The following ENOX1 variants were observed in gnomAD, a reference collection of about 807,000 sequenced individuals.
ENOX1 encodes ecto-NOX disulfide-thiol exchanger 1.
Under a neutral mutation model 82.5 loss-of-function variants are expected in ENOX1, and 42 were observed. That is an observed-to-expected ratio of 0.51 (90% CI 0.40 to 0.66). The LOEUF (loss-of-function observed/expected upper bound fraction) is 0.66, where lower values mean the gene tolerates loss of function less well. Among genes scored for constraint, ENOX1 ranks in the 30% least tolerant of loss-of-function variants. The pLI is 0.00. For synonymous variants in ENOX1, 271 were observed against 282.2 expected, an observed-to-expected ratio of 0.96 and a Z score of 0.40; for missense variants, 608 against 811.6, an observed-to-expected ratio of 0.75 and a Z score of 3.05.
At chr13:43,408,378 G>C (rs1006338861) in intron 5 of ENOX1, among the ~76,000 whole-genome samples, 3 of 152,150 alleles carry the variant, frequency 2.0e-5, no homozygotes, top group Admixed American at 2.0e-4. Context: ...AGAGTGGTTG[G>C]TCATTTAGAA....
At chr13:43,719,302 TACACACACACACACACAC>T (rs3024232) in intron 1 of ENOX1, among the ~76,000 whole-genome samples, 9 of 126,682 alleles carry the variant, frequency 7.1e-5, no homozygotes, top group African/African-American at 8.7e-5. Context: ...TTCATTCAAA[TACACACACACACACACAC>T]ACACACACAC....
At chr13:43,768,829 C>T (rs1951431754) in intron 1 of ENOX1, among the ~76,000 whole-genome samples, 1 of 152,148 alleles carries the variant, frequency 6.6e-6, no homozygotes, top group South Asian at 2.1e-4. Flanking sequence ...ATTGTCAATC[C>T]GATTTCCTCG....
intron 5 of ENOX1, among the ~76,000 whole-genome samples, chr13:43,376,962 T>G (rs2051681676): frequency 6.6e-6 from 1 of 152,214 alleles, no homozygotes. Flanking sequence ...GCACTCCAGC[T>G]ACCTCTTGGA....
At chr13:43,236,577 TAA>T (rs2153459127) in intron 15 of ENOX1, 57 bp downstream of exon 15, 4 of 1,038,882 alleles carry the variant, frequency 3.9e-6, no homozygotes, top group Admixed American at 5.7e-5. Flanking sequence ...ACTAAAATAT[TAA>T]GTTAATTACC....
At chr13:43,766,320 G>A (rs138553918) in intron 1 of ENOX1, among the ~76,000 whole-genome samples, 5 of 152,218 alleles carry the variant, frequency 3.3e-5, no homozygotes, top group East Asian at 3.9e-4. Flanking sequence ...AGGTAACTGC[G>A]GACTGTATGT....
chr13:43,720,288 T>G (rs1414709233), intron 1 of ENOX1, among the ~76,000 whole-genome samples: 1 of 152,214 alleles, frequency 6.6e-6, no homozygotes, highest in African/African-American at 2.4e-5. Context: ...GGACTAGGGC[T>G]GCTCCCTGAA....
At chr13:43,415,489 C>T (rs1388071614) in intron 3 of ENOX1, among the ~76,000 whole-genome samples, 1 of 152,060 alleles carries the variant, frequency 6.6e-6, no homozygotes, top group East Asian at 1.9e-4. Context: ...TTTAACAAAG[C>T]ACATCTTGCA....
At chr13:43,355,443 T>A (rs116068795) in intron 8 of ENOX1, among the ~76,000 whole-genome samples, 1 of 152,196 alleles carries the variant, frequency 6.6e-6, no homozygotes, top group Non-Finnish European at 1.5e-5. Context: ...CCTAGTACCA[T>A]GTCTGCTGTT....
chr13:43,557,504 C>G (rs1229575853), intron 2 of ENOX1, among the ~76,000 whole-genome samples: 5 of 152,164 alleles, frequency 3.3e-5, no homozygotes, highest in Non-Finnish European at 5.9e-5. Context: ...AAATGAGAAG[C>G]AGGGTGGCTC....
chr13:43,334,394 T>C (rs2048580979), intron 9 of ENOX1, among the ~76,000 whole-genome samples: 2 of 152,180 alleles, frequency 1.3e-5, no homozygotes, highest in Non-Finnish European at 2.9e-5. Context: ...AGCTCTGTGG[T>C]GTGTAATGTG....
At chr13:43,770,487 T>G (rs1377971354) in intron 1 of ENOX1, among the ~76,000 whole-genome samples, 1 of 152,232 alleles carries the variant, frequency 6.6e-6, no homozygotes, top group Non-Finnish European at 1.5e-5. Context: ...GTTCTATTTA[T>G]GCTAGTTTGC....
intron 2 of ENOX1, among the ~76,000 whole-genome samples, chr13:43,632,104 G>A (rs1471281376): frequency 6.6e-6 from 1 of 152,064 alleles, no homozygotes; most frequent in East Asian, 1.9e-4. Flanking sequence ...CTATTGAGAT[G>A]TTAGGTTTTT....
chr13:43,782,917 T>C (rs1952357053), intron 1 of ENOX1, among the ~76,000 whole-genome samples: 2 of 152,198 alleles, frequency 1.3e-5, no homozygotes, highest in African/African-American at 4.8e-5. Flanking sequence ...GTAACACCTT[T>C]GGCAAGATGG....
At chr13:43,413,699 T>TA (rs1566157177) in intron 3 of ENOX1, among the ~76,000 whole-genome samples, 128 of 146,650 alleles carry the variant, frequency 8.7e-4, no homozygotes, top group South Asian at 3.6e-3. Context: ...ATATATATAT[T>TA]TTTATATATT....
chr13:43,481,535 T>A (rs905221286), intron 3 of ENOX1, among the ~76,000 whole-genome samples: 2 of 152,058 alleles, frequency 1.3e-5, no homozygotes, highest in African/African-American at 4.8e-5. Context: ...AAGAATTAAA[T>A]ATAAGATTTG....
intron 12 of ENOX1, among the ~76,000 whole-genome samples, chr13:43,273,747 T>C (rs1353101904): frequency 6.6e-6 from 1 of 152,188 alleles, no homozygotes; most frequent in Non-Finnish European, 1.5e-5. Context: ...TAGCCTTGGG[T>C]TCTTGCTCCA....
intron 15 of ENOX1, among the ~76,000 whole-genome samples, chr13:43,233,084 T>C (rs372300835): frequency 5.9e-5 from 9 of 152,280 alleles, no homozygotes; most frequent in African/African-American, 1.9e-4. Context: ...ATGCAGGCCA[T>C]ATGTGAAATA....
intron 3 of ENOX1, among the ~76,000 whole-genome samples, chr13:43,465,435 T>C (rs2057675133): frequency 6.6e-6 from 1 of 152,200 alleles, no homozygotes. Flanking sequence ...TACATCTTTT[T>C]GTTTTTTGAG....
At chr13:43,681,532 T>G (rs1034365275) in intron 1 of ENOX1, among the ~76,000 whole-genome samples, 5 of 152,166 alleles carry the variant, frequency 3.3e-5, no homozygotes, top group African/African-American at 1.2e-4. Flanking sequence ...AGAATCTTAC[T>G]GTTTTTAATT....
Sources: gnomAD v4.1 joint callset for allele counts (sites outside exome capture counted in the v4.1 genomes callset) on GRCh38, gnomAD v4.1.1 for gene constraint, MANE v1.5 for transcripts, NCBI Gene and HGNC (gene_info 2026-07-23, HGNC 2026-07-21) for gene names.